PLEKHA6: variants seen among roughly 807,000 people sequenced by gnomAD.
PLEKHA6 encodes pleckstrin homology domain containing A6.
In PLEKHA6, 60 loss-of-function variants were observed where a neutral mutation model predicts 116.7. That is an observed-to-expected ratio of 0.51 (90% CI 0.42 to 0.64). The LOEUF is 0.64. Among genes scored for constraint, PLEKHA6 ranks in the 30% least tolerant of loss-of-function variants. PLEKHA6 has a pLI of 0.00. For missense variants in PLEKHA6, 1,338 were observed against 1,422.7 expected (o/e 0.94, Z 0.96); for synonymous variants, 489 against 556.1 (o/e 0.88, Z 1.70).
chr1:204,233,773 A>G (rs1661560305), intron 17 of PLEKHA6, among the ~76,000 whole-genome samples: 1 of 152,104 alleles, frequency 6.6e-6, no homozygotes, highest in Non-Finnish European at 1.5e-5. Context: ...CTAGTTTAAA[A>G]ATGGAGAGAT....
chr1:204,359,420 C>T (rs938440596), intron 1 of PLEKHA6: 2 of 184,288 alleles, frequency 1.1e-5, no homozygotes, highest in African/African-American at 2.4e-5. Flanking sequence ...CTGCCTTCAT[C>T]CAGGAGATGC....
At chr1:204,322,577 G>C (rs1258532050) in intron 1 of PLEKHA6, among the ~76,000 whole-genome samples, 3 of 152,100 alleles carry the variant, frequency 2.0e-5, no homozygotes, top group Non-Finnish European at 4.4e-5. Context: ...GTGGTCTCAG[G>C]CAGTCCCAGG....
chr1:204,334,215 A>C (rs1295626515), intron 1 of PLEKHA6, among the ~76,000 whole-genome samples: 1 of 152,204 alleles, frequency 6.6e-6, no homozygotes, highest in African/African-American at 2.4e-5. Flanking sequence ...GGCAGACAGC[A>C]TAGCTAACCC....
intron 17 of PLEKHA6, among the ~76,000 whole-genome samples, chr1:204,237,814 A>T (rs777028044): frequency 6.6e-6 from 1 of 152,256 alleles, no homozygotes; most frequent in Admixed American, 6.5e-5. Flanking sequence ...CTTCCGCAAG[A>T]TATCACACTG....
At chr1:204,243,766 G>A (rs1464732442) in intron 15 of PLEKHA6, among the ~76,000 whole-genome samples, 1 of 152,142 alleles carries the variant, frequency 6.6e-6, no homozygotes, top group African/African-American at 2.4e-5. Context: ...TGGGCTCCCT[G>A]AGTGAAGCCT....
At chr1:204,340,509 C>T (rs982428924) in intron 1 of PLEKHA6, among the ~76,000 whole-genome samples, 1 of 152,182 alleles carries the variant, frequency 6.6e-6, no homozygotes, top group Non-Finnish European at 1.5e-5. Flanking sequence ...ATCCTGGACA[C>T]GCTCATATCC....
At chr1:204,318,261 G>A (rs1671932966) in intron 1 of PLEKHA6, among the ~76,000 whole-genome samples, 2 of 152,230 alleles carry the variant, frequency 1.3e-5, no homozygotes, top group African/African-American at 4.8e-5. Flanking sequence ...AGAGCGTGTA[G>A]AGGATCCGAG....
chr1:204,371,977 T>C (rs1383201227), intron 1 of PLEKHA6, among the ~76,000 whole-genome samples: 1 of 152,098 alleles, frequency 6.6e-6, no homozygotes, highest in East Asian at 1.9e-4. Context: ...AGGGGAAGCA[T>C]GAAGGCTTCA....
At position 204,259,643 on chromosome 1, in the gene PLEKHA6, G is replaced by C; in HGVS notation, c.622C>G (p.Arg208Gly). ...CAGCCTCGGCCATCACCCTCCCCTC[G>C]AGTCTTGGCCTCTGGCTCAGGCTTA... is the stretch of plus-strand genomic sequence containing the variant. ...LPKPEPEAKT[R>G]GEGDGRGCEK... The change falls in exon 8 of 23, where the codon CGA (arginine) becomes GGA (glycine). Residue 208 changes from arginine to glycine, a missense_variant. Around this residue, in one of 3 missense-constraint regions of PLEKHA6, gnomAD observed 1,136 missense variants for 1,163.6 expected, o/e 0.98. Coordinates refer to ENST00000272203, the MANE Select transcript of PLEKHA6 (RefSeq NM_014935.5). This position sits in a 1 kb window ranked among gnomAD's most constrained non-coding sequence, Gnocchi z 4.6. 1 of 1,614,138 alleles carries C rather than the reference G, an allele frequency of 6.2e-7. No homozygotes were observed. Among genetic ancestry groups the C allele is most frequent in the Non-Finnish European group, 8.5e-7 (1 of 1,180,026 alleles).
At chr1:204,306,697 G>A (rs928684753) in intron 1 of PLEKHA6, among the ~76,000 whole-genome samples, 9 of 152,288 alleles carry the variant, frequency 5.9e-5, no homozygotes, top group South Asian at 2.1e-4. Flanking sequence ...GATAGATACC[G>A]GGGACTCCAA....
chr1:204,339,382 G>C (rs954151273), intron 1 of PLEKHA6, among the ~76,000 whole-genome samples: 1 of 152,192 alleles, frequency 6.6e-6, no homozygotes, highest in African/African-American at 2.4e-5. Flanking sequence ...CCTGCTATGC[G>C]GCAATACATA....
chr1:204,273,215 GA>G lies in PLEKHA6; in HGVS notation c.102+410del, dbSNP rs1667659639. On this transcript the variant is annotated intron_variant, in intron 3 of 22. Transcript: ENST00000272203. ...TCCTTCAAGACCAGTGGTTCTCAAT[GA>G]GGTTGGGGAGATTTTGTCCCCAAGG... Among the ~76,000 whole-genome samples the G allele has an allele frequency of 2.0e-5, 3 of 152,128 alleles. 1 individual carries two copies. The South Asian group carries it at 6.2e-4, about 32-fold the overall frequency.
intron 8 of PLEKHA6, among the ~76,000 whole-genome samples, chr1:204,258,987 G>A (rs954543227): frequency 2.0e-5 from 3 of 152,182 alleles, no homozygotes; most frequent in East Asian, 1.9e-4. Context: ...TCCCCAGCAC[G>A]CCGTGGAGAG....
intron 15 of PLEKHA6, among the ~76,000 whole-genome samples, chr1:204,242,507 A>C (rs564362526): frequency 6.6e-6 from 1 of 152,360 alleles, no homozygotes; most frequent in South Asian, 2.1e-4. Context: ...AGCTAAACCT[A>C]GATGAGCATA....
At chr1:204,370,327 G>A (rs1325415455) in intron 2 of PLEKHA6, among the ~76,000 whole-genome samples, 1 of 152,238 alleles carries the variant, frequency 6.6e-6, no homozygotes. Flanking sequence ...TGCCAGCTGT[G>A]CCCATGATTG....
In PLEKHA6 at chr1:204,261,288, C is replaced by G. The variant is rs755969890; in HGVS notation, c.524+18G>C. ...TTTATTCTTCCTGCACCCCCACACT[C>G]AATTCCCTGGCACTCACCTGTGCCG... On this transcript the variant is annotated intron_variant, in intron 7 of 22. Coordinates refer to ENST00000272203, the MANE Select transcript of PLEKHA6 (RefSeq NM_014935.5). The surrounding 1 kb of genome is among the most constrained non-coding windows in gnomAD (Gnocchi z 4.0). 54 of 1,614,130 alleles carry G rather than the reference C, an allele frequency of 3.3e-5. No homozygotes were observed. In the Middle Eastern group the frequency reaches 2.0e-3, roughly 59 times the overall value.
chr1:204,328,090 ATTT>A (rs1672311711), intron 1 of PLEKHA6, among the ~76,000 whole-genome samples: 1 of 90,068 alleles, frequency 1.1e-5, no homozygotes, highest in South Asian at 3.6e-4. Context: ...TTATTTATTT[ATTT>A]ATTTTTGAGA....
intron 1 of PLEKHA6, among the ~76,000 whole-genome samples, chr1:204,285,374 T>TA (rs1669039401): frequency 6.6e-6 from 1 of 152,234 alleles, no homozygotes; most frequent in Non-Finnish European, 1.5e-5. Context: ...AGAAATGATA[T>TA]ACTCCAAAGT....
chr1:204,338,363 A>G (rs1024062994), intron 1 of PLEKHA6, among the ~76,000 whole-genome samples: 4 of 152,206 alleles, frequency 2.6e-5, no homozygotes, highest in Admixed American at 2.6e-4. Flanking sequence ...TTAAATGCAC[A>G]TACAAAGTGT....
Sources: allele counts gnomAD v4.1 joint callset (sites outside exome capture counted in the v4.1 genomes callset), GRCh38; gene constraint gnomAD v4.1.1; regional missense constraint gnomAD v4.1.1; non-coding constraint Gnocchi (gnomAD v3.1); transcripts MANE v1.5; gene names NCBI Gene and HGNC (gene_info 2026-07-23, HGNC 2026-07-21).